The following EYS variants were observed in gnomAD, a reference collection of about 807,000 sequenced individuals.
The protein encoded by EYS is protein eyes shut homolog.
A neutral mutation model predicts 282.1 loss-of-function variants in EYS; 250 were observed. That is an observed-to-expected ratio of 0.89 (90% CI 0.80 to 0.98). EYS has a LOEUF of 0.98. EYS is among the 50% of genes least tolerant of loss of function. The pLI is 0.00. For synonymous variants in EYS, 1,355 were observed against 1,282.9 expected, an observed-to-expected ratio of 1.06 and a Z score of -1.20; for missense variants, 4,016 against 3,709.0, an observed-to-expected ratio of 1.08 and a Z score of -2.15.
At chr6:64,349,137 T>A (rs112515186) in intron 29 of EYS, among the ~76,000 whole-genome samples, 35 of 151,508 alleles carry the variant, frequency 2.3e-4, no homozygotes, top group African/African-American at 7.2e-4. Flanking sequence ...ATACGCTCAG[T>A]TTTGGTATAA....
At chr6:65,008,799 C>T (rs1487324604) in intron 13 of EYS, among the ~76,000 whole-genome samples, 2 of 152,134 alleles carry the variant, frequency 1.3e-5, no homozygotes, top group Admixed American at 6.6e-5. Flanking sequence ...GTATGCTTGA[C>T]CATTGAGGGC....
chr6:65,393,353 T>G (rs1171016303), intron 7 of EYS, among the ~76,000 whole-genome samples: 1 of 152,088 alleles, frequency 6.6e-6, no homozygotes, highest in African/African-American at 2.4e-5. Context: ...AATGTGACTA[T>G]TGATTTCAAG....
chr6:65,315,132 G>C (rs1769265240), intron 11 of EYS, among the ~76,000 whole-genome samples: 3 of 152,138 alleles, frequency 2.0e-5, no homozygotes, highest in Admixed American at 2.0e-4. Flanking sequence ...CCAGTTGTCT[G>C]CTGAGTAGTT....
chr6:64,058,032 C>CA (rs1771043707), intron 33 of EYS, among the ~76,000 whole-genome samples: 1 of 152,088 alleles, frequency 6.6e-6, no homozygotes, highest in African/African-American at 2.4e-5. Flanking sequence ...CCATGTTGCC[C>CA]AGGCTGGTCT....
At chr6:64,664,423 G>A (rs547470452) in intron 22 of EYS, among the ~76,000 whole-genome samples, 1 of 152,264 alleles carries the variant, frequency 6.6e-6, no homozygotes, top group African/African-American at 2.4e-5. Flanking sequence ...TTCCCAGCAA[G>A]GCTTAGGAAT....
At chr6:63,855,326 A>C (rs984759707) in intron 36 of EYS, among the ~76,000 whole-genome samples, 5 of 152,348 alleles carry the variant, frequency 3.3e-5, no homozygotes, top group African/African-American at 7.2e-5. Context: ...AGATTATATA[A>C]GAAGATGAAT....
At chr6:64,477,934 TCA>T (rs1241369980) in intron 26 of EYS, among the ~76,000 whole-genome samples, 2 of 152,148 alleles carry the variant, frequency 1.3e-5, no homozygotes, top group Non-Finnish European at 2.9e-5. Flanking sequence ...TCTTTCCATC[TCA>T]GTTTTGTTAT....
chr6:64,077,555 TTAAG>T (rs1771815863), intron 32 of EYS, among the ~76,000 whole-genome samples: 1 of 151,992 alleles, frequency 6.6e-6, no homozygotes, highest in African/African-American at 2.4e-5. Context: ...AATACAAACA[TTAAG>T]TAATATAAAG....
intron 36 of EYS, among the ~76,000 whole-genome samples, chr6:63,809,067 C>T (rs1472846930): frequency 6.6e-6 from 1 of 152,116 alleles, no homozygotes; most frequent in Non-Finnish European, 1.5e-5. Context: ...TTGTGACTTA[C>T]TTCAAGGGGC....
chr6:64,442,314 C>T (rs577118926), intron 26 of EYS, among the ~76,000 whole-genome samples: 1 of 152,262 alleles, frequency 6.6e-6, no homozygotes, highest in South Asian at 2.1e-4. Context: ...AGCAGCAAAA[C>T]ATTCAAGAGG....
intron 12 of EYS, among the ~76,000 whole-genome samples, chr6:65,237,551 A>G (rs1050209663): frequency 6.6e-6 from 1 of 152,006 alleles, no homozygotes; most frequent in African/African-American, 2.4e-5. Context: ...AGCCTGGGTG[A>G]CAGAGTAAGA....
intron 7 of EYS, among the ~76,000 whole-genome samples, chr6:65,395,519 C>A (rs540573992): frequency 6.6e-6 from 1 of 152,240 alleles, no homozygotes; most frequent in Non-Finnish European, 1.5e-5. Context: ...GCACAGTTAT[C>A]ATTTGTATAT....
intron 40 of EYS, among the ~76,000 whole-genome samples, chr6:63,773,854 G>C (rs1769994553): frequency 6.6e-6 from 1 of 152,090 alleles, no homozygotes; most frequent in Non-Finnish European, 1.5e-5. Context: ...GGGTTCTAGG[G>C]GTTTGTAAAC....
At chr6:63,907,670 G>A (rs1211676715) in intron 35 of EYS, among the ~76,000 whole-genome samples, 1 of 151,976 alleles carries the variant, frequency 6.6e-6, no homozygotes, top group Non-Finnish European at 1.5e-5. Context: ...GTGCAGTTTT[G>A]TTTCATGAAT....
intron 12 of EYS, among the ~76,000 whole-genome samples, chr6:65,100,998 T>C (rs1414356088): frequency 6.6e-6 from 1 of 151,104 alleles, no homozygotes; most frequent in Non-Finnish European, 1.5e-5. Flanking sequence ...TCTCTCAAAA[T>C]ATTCACACTT....
At chr6:64,899,487 TC>T (rs913751874) in intron 18 of EYS, among the ~76,000 whole-genome samples, 29 of 152,244 alleles carry the variant, frequency 1.9e-4, no homozygotes, top group Admixed American at 7.2e-4. Context: ...GCCCAAAAAC[TC>T]CTTAAGCTGA....
intron 13 of EYS, among the ~76,000 whole-genome samples, chr6:65,050,478 T>C (rs1036469769): frequency 6.6e-6 from 1 of 151,554 alleles, no homozygotes; most frequent in Admixed American, 6.6e-5. Context: ...ATTTGACCAC[T>C]CCTCCAAAAT....
At chr6:63,871,001 T>C (rs1772787610) in intron 35 of EYS, among the ~76,000 whole-genome samples, 1 of 152,190 alleles carries the variant, frequency 6.6e-6, no homozygotes, top group Admixed American at 6.5e-5. Context: ...GTGACTTCAC[T>C]TCCTACTCTA....
chr6:65,022,012 G>T (rs1772265642), intron 13 of EYS, among the ~76,000 whole-genome samples: 1 of 152,302 alleles, frequency 6.6e-6, no homozygotes, highest in Non-Finnish European at 1.5e-5. Context: ...CCCACAACAT[G>T]TGGGAATTAT....
Sources: allele counts gnomAD v4.1 joint callset (sites outside exome capture counted in the v4.1 genomes callset), GRCh38; gene constraint gnomAD v4.1.1; transcripts MANE v1.5; gene names NCBI Gene and HGNC (gene_info 2026-07-23, HGNC 2026-07-21).